The following NUDC variants were observed in gnomAD, a reference collection of about 807,000 sequenced individuals.
NUDC encodes the protein nuclear migration protein nudC.
A neutral mutation model predicts 45.0 loss-of-function variants in NUDC; 14 were observed. That is an observed-to-expected ratio of 0.31 (90% CI 0.21 to 0.49). The LOEUF is 0.49. NUDC is among the 20% of genes least tolerant of loss of function. The pLI, the probability that NUDC is intolerant of heterozygous loss-of-function variation, is 0.99. For missense variants in NUDC, 323 were observed against 426.2 expected (o/e 0.76, Z 2.13); for synonymous variants, 153 against 156.7 (o/e 0.98, Z 0.17).
chr1:26,900,188 A>T (rs372797033), upstream of NUDC: 9 of 1,614,192 alleles, frequency 5.6e-6, no homozygotes, highest in East Asian at 4.5e-5. Context: ...GAGGCCGGAC[A>T]TCGGTGGCCG....
At chr1:26,919,145 G>A (rs1488176509), upstream of NUDC, among the ~76,000 whole-genome samples, 1 of 151,274 alleles carries the variant, frequency 6.6e-6, no homozygotes, top group African/African-American at 2.4e-5. Flanking sequence ...GTGCAGTGGC[G>A]TGATCACAGC....
At chr1:26,927,181 A>G (rs1219277797) in intron 2 of NUDC, among the ~76,000 whole-genome samples, 1 of 127,372 alleles carries the variant, frequency 7.9e-6, no homozygotes, top group Non-Finnish European at 1.7e-5. Context: ...AGGGAGAGAG[A>G]TGAACCGTGT....
At chr1:26,935,437 A>T (rs2082221319) in intron 2 of NUDC, among the ~76,000 whole-genome samples, 1 of 152,138 alleles carries the variant, frequency 6.6e-6, no homozygotes, top group Non-Finnish European at 1.5e-5. Context: ...GGAAACTTAC[A>T]GTCAGGGTGG....
At chr1:26,910,537 T>A (rs1358981771) in intron 2 of NUDC, among the ~76,000 whole-genome samples, 1 of 152,148 alleles carries the variant, frequency 6.6e-6, no homozygotes, top group Admixed American at 6.5e-5. Flanking sequence ...TATCCCCAAG[T>A]GAATGGCCTC....
At chr1:26,903,370 G>A (rs1296876442) in intron 2 of NUDC, among the ~76,000 whole-genome samples, 1 of 151,914 alleles carries the variant, frequency 6.6e-6, no homozygotes, top group Non-Finnish European at 1.5e-5. Context: ...ATTTAGAAAG[G>A]GACTTCAAAG....
chr1:26,908,490 T>C lies in NUDC; in HGVS notation c.-15-2638T>C, dbSNP rs2082011841. Among the ~76,000 whole-genome samples, 2 of 152,096 alleles carry C rather than the reference T, an allele frequency of 1.3e-5. 1 individual carries two copies. The highest frequency in any genetic ancestry group is 4.1e-4 in the South Asian group (2 of 4,826). ...AAGAAACGCAGACAAGAAACAGAAGTGTAGCTCCCCAACCATGTGGATTGG... is the reference window on the plus strand; with the variant it reads ...AAGAAACGCAGACAAGAAACAGAAGCGTAGCTCCCCAACCATGTGGATTGG... On this transcript the variant is annotated intron_variant, in intron 2 of 6. Transcript: ENST00000435827.
chr1:26,935,091 C>T (rs1413878185), intron 2 of NUDC, among the ~76,000 whole-genome samples: 1 of 152,078 alleles, frequency 6.6e-6, no homozygotes, highest in Non-Finnish European at 1.5e-5. Context: ...AAGCGATTCT[C>T]CTGCCTCAGC....
At chr1:26,940,104 T>G (rs17162348) in intron 2 of NUDC, among the ~76,000 whole-genome samples, 6,424 of 152,250 alleles carry the variant, frequency 0.042, 429 homozygotes, top group African/African-American at 0.15. Context: ...ATAGCTTGCT[T>G]GCTGGAGAGA....
chr1:26,922,020 C>A, intron 1 of NUDC, 91 bp downstream of exon 1: 2 of 1,339,622 alleles, frequency 1.5e-6, no homozygotes, highest in Non-Finnish European at 2.1e-6. Flanking sequence ...CCCACCCCAG[C>A]GGCTCGCGGG....
upstream of NUDC, among the ~76,000 whole-genome samples, chr1:26,916,867 A>G (rs2082064275): frequency 6.6e-6 from 1 of 152,234 alleles, no homozygotes; most frequent in African/African-American, 2.4e-5. Flanking sequence ...AGGTGGGAGG[A>G]TTGCTTGAAT....
intron 2 of NUDC, among the ~76,000 whole-genome samples, chr1:26,935,824 A>G (rs1183122528): frequency 2.6e-5 from 4 of 151,846 alleles, no homozygotes; most frequent in South Asian, 2.1e-4. Flanking sequence ...ACCTCAAACA[A>G]AGACAAAAAC....
chr1:26,925,356 C>T (rs1483051980), intron 2 of NUDC, among the ~76,000 whole-genome samples: 40 of 150,792 alleles, frequency 2.7e-4, no homozygotes, highest in African/African-American at 7.0e-4. Flanking sequence ...CTGGCTAACA[C>T]GGTGAAACCC....
chr1:26,926,570 T>C (rs2082134486), intron 2 of NUDC, among the ~76,000 whole-genome samples: 1 of 152,188 alleles, frequency 6.6e-6, no homozygotes, highest in Admixed American at 6.6e-5. Context: ...TTTTAGTTTT[T>C]ATAGCTTTTG....
At chr1:26,909,572 T>A (rs2082016831) in intron 2 of NUDC, among the ~76,000 whole-genome samples, 1 of 152,062 alleles carries the variant, frequency 6.6e-6, no homozygotes, top group African/African-American at 2.4e-5. Flanking sequence ...AGACCCAGCT[T>A]GAGGATTCAG....
At chr1:26,935,732 G>T (rs1270226794) in intron 2 of NUDC, among the ~76,000 whole-genome samples, 1 of 151,748 alleles carries the variant, frequency 6.6e-6, no homozygotes, top group Non-Finnish European at 1.5e-5. Flanking sequence ...TTTTTATTGG[G>T]TATTTGATTA....
At chr1:26,925,281 C>T (rs2082122025) in intron 2 of NUDC, among the ~76,000 whole-genome samples, 1 of 151,394 alleles carries the variant, frequency 6.6e-6, no homozygotes. Flanking sequence ...TGGCTCACGC[C>T]TGTAATCCCA....
At chr1:26,915,079 A>G (rs1471720499) in intron 3 of NUDC, among the ~76,000 whole-genome samples, 3 of 148,128 alleles carry the variant, frequency 2.0e-5, no homozygotes, top group Non-Finnish European at 4.5e-5. Context: ...ATATATATGT[A>G]TATATATGGT....
At chr1:26,909,164 A>G (rs1181563622) in intron 2 of NUDC, among the ~76,000 whole-genome samples, 1 of 151,622 alleles carries the variant, frequency 6.6e-6, no homozygotes, top group East Asian at 1.9e-4. Context: ...TAGTAGAGAC[A>G]GGGTTTCACC....
intron 2 of NUDC, 139 bp from the exon 3 acceptor site, chr1:26,941,318 C>T: frequency 1.3e-6 from 1 of 770,406 alleles, no homozygotes; most frequent in Non-Finnish European, 2.2e-6. Flanking sequence ...GTATTTTCCT[C>T]ATTTTGCACA....
Sources: allele counts gnomAD v4.1 joint callset (sites outside exome capture counted in the v4.1 genomes callset), GRCh38; gene constraint gnomAD v4.1.1; transcripts MANE v1.5; gene names NCBI Gene and HGNC (gene_info 2026-07-23, HGNC 2026-07-21).